The following PCBP2 variants were observed in gnomAD, a reference collection of about 807,000 sequenced individuals.
The protein encoded by PCBP2 is poly(rC) binding protein 2, also known as poly(rC)-binding protein 2.
A neutral mutation model predicts 50.1 loss-of-function variants in PCBP2; 4 were observed. The ratio of observed to expected loss-of-function variants is 0.08; its 90% CI spans 0.04 to 0.18. The LOEUF (loss-of-function observed/expected upper bound fraction) is 0.18. Ranked by LOEUF, PCBP2 falls within the 10% of genes least tolerant of loss-of-function variation. The pLI is 1.00. For synonymous variants in PCBP2, 179 were observed against 168.0 expected, an observed-to-expected ratio of 1.07 and a Z score of -0.51; for missense variants, 161 against 474.3, an observed-to-expected ratio of 0.34 and a Z score of 6.14.
Position 53,463,843 on chromosome 12 carries a change from C to A in PCBP2, c.580-917C>A, listed in dbSNP as rs368188218. On this transcript the variant is annotated intron_variant, in intron 8 of 14. Transcript: ENST00000546463. ...TAGTTCCATCTTACCTGCGTTTGAT[C>A]TGGGAGCCATTTAGAGGGCAAGCAT... 2.0e-5 allele frequency among the ~76,000 whole-genome samples: 3 copies of A among 152,210 alleles called. No individual in the cohort carries two copies. In the South Asian group the frequency reaches 6.2e-4, roughly 31 times the overall value.
intron 14 of PCBP2, among the ~76,000 whole-genome samples, chr12:53,478,893 C>T (rs959133161): frequency 2.6e-5 from 4 of 151,706 alleles, no homozygotes; most frequent in African/African-American, 4.8e-5. Flanking sequence ...ACCTTTAAAA[C>T]GGTATTACCT....
chr12:53,455,741 C>A, intron 4 of PCBP2, 144 bp from the exon 5 acceptor site: 2 of 704,776 alleles, frequency 2.8e-6, no homozygotes, highest in Non-Finnish European at 4.9e-6. Flanking sequence ...TGAGGATAGT[C>A]ATGGAGCAGT....
chr12:53,464,441 C>G (rs574150598), intron 8 of PCBP2: 1 of 300,398 alleles, frequency 3.3e-6, no homozygotes, highest in Non-Finnish European at 6.2e-6. Flanking sequence ...CACAGATGGA[C>G]CTGTGTCTTT....
At chr12:53,472,339 G>C (rs1942299012) in intron 14 of PCBP2, among the ~76,000 whole-genome samples, 1 of 152,142 alleles carries the variant, frequency 6.6e-6, no homozygotes. Context: ...ACAGGTATTG[G>C]AATGTTTCGG....
intron 5 of PCBP2, among the ~76,000 whole-genome samples, chr12:53,456,333 C>T (rs1371691683): frequency 6.6e-6 from 1 of 151,686 alleles, no homozygotes. Context: ...TGGTGTGCGC[C>T]TGTAATCCCA....
intron 5 of PCBP2, 166 bp downstream of exon 5, chr12:53,456,167 TAA>T (rs1374209592): frequency 4.8e-6 from 3 of 629,578 alleles, no homozygotes; most frequent in Non-Finnish European, 8.5e-6. Context: ...ATTTGTAGTT[TAA>T]AAAAGAGTCA....
At chr12:53,471,540 C>A in intron 13 of PCBP2, 98 bp from the exon 14 acceptor site, 2 of 1,176,514 alleles carry the variant, frequency 1.7e-6, no homozygotes, top group Non-Finnish European at 2.3e-6. Flanking sequence ...GCACTCCAGC[C>A]TGGCCACAGT....
intron 8 of PCBP2, among the ~76,000 whole-genome samples, chr12:53,463,409 G>A (rs1941589837): frequency 6.6e-6 from 1 of 152,098 alleles, no homozygotes; most frequent in African/African-American, 2.4e-5. Flanking sequence ...ACCTACCTCA[G>A]ATCAAAAGTA....
At chr12:53,466,032 C>G (rs948431597) in intron 10 of PCBP2, 59 bp downstream of exon 10, 3 of 1,440,406 alleles carry the variant, frequency 2.1e-6, no homozygotes, top group African/African-American at 2.8e-5. Flanking sequence ...AAAATTGTCT[C>G]ACTCCTCTCT....
At chr12:53,461,206 C>T in intron 7 of PCBP2, 63 bp downstream of exon 7, 1 of 1,567,032 alleles carries the variant, frequency 6.4e-7, no homozygotes, top group Non-Finnish European at 8.7e-7. Context: ...AGGGACTGAT[C>T]TATATTTAGT....
chr12:53,453,060 A>G (rs1329509373), intron 1 of PCBP2: 1 of 152,140 alleles, frequency 6.6e-6, no homozygotes, highest in Admixed American at 6.6e-5. Flanking sequence ...CAGCAGTGTT[A>G]GCAGCTGGAT....
At chr12:53,468,692 T>C (rs1476073082) in intron 12 of PCBP2, 85 bp from the exon 13 acceptor site, 4 of 1,031,364 alleles carry the variant, frequency 3.9e-6, no homozygotes, top group Non-Finnish European at 6.1e-6. Context: ...GTTTCCAGTT[T>C]ATTTCCTTCT....
intron 13 of PCBP2, among the ~76,000 whole-genome samples, chr12:53,469,783 A>T (rs1196123618): frequency 8.5e-6 from 1 of 118,090 alleles, no homozygotes; most frequent in Non-Finnish European, 1.7e-5. Context: ...TTTTTTTGAG[A>T]CGGCATCTTG....
At chr12:53,473,814 G>C (rs1393174379) in intron 14 of PCBP2, among the ~76,000 whole-genome samples, 3 of 150,526 alleles carry the variant, frequency 2.0e-5, no homozygotes, top group Non-Finnish European at 4.4e-5. Flanking sequence ...GGATTTTACT[G>C]GATTCTGAGC....
intron 6 of PCBP2, chr12:53,460,185 A>G (rs760539048): frequency 4.5e-6 from 1 of 220,582 alleles, no homozygotes; most frequent in Non-Finnish European, 9.5e-6. Context: ...CTCAGGCTGA[A>G]GTGCAGGGCA....
At chr12:53,476,474 T>C (rs545028426) in intron 14 of PCBP2, among the ~76,000 whole-genome samples, 2 of 152,338 alleles carry the variant, frequency 1.3e-5, no homozygotes, top group Admixed American at 1.3e-4. Flanking sequence ...CACAGGCCTC[T>C]CATAAAACAG....
At chr12:53,478,741 A>G (rs1169669418) in intron 14 of PCBP2, among the ~76,000 whole-genome samples, 1 of 152,120 alleles carries the variant, frequency 6.6e-6, no homozygotes, top group Non-Finnish European at 1.5e-5. Flanking sequence ...GGGAGGCACA[A>G]GTTGCAGTGA....
At chr12:53,466,041 C>G (rs147888992) in intron 10 of PCBP2, 68 bp downstream of exon 10, 2 of 1,343,254 alleles carry the variant, frequency 1.5e-6, no homozygotes, top group African/African-American at 2.9e-5. Context: ...TCACTCCTCT[C>G]TCCCAAGTAG....
intron 12 of PCBP2, 37 bp downstream of exon 12, chr12:53,467,880 C>T (rs370369522): frequency 1.4e-6 from 2 of 1,449,242 alleles, no homozygotes; most frequent in Non-Finnish European, 1.9e-6. Flanking sequence ...TAGTATTCTA[C>T]TGTTATATTA....
Sources: allele counts gnomAD v4.1 joint callset (sites outside exome capture counted in the v4.1 genomes callset), GRCh38; gene constraint gnomAD v4.1.1; transcripts MANE v1.5; gene names NCBI Gene and HGNC (gene_info 2026-07-23, HGNC 2026-07-21).